PCNX2: variants seen among roughly 807,000 people sequenced by gnomAD.
The protein encoded by PCNX2 is pecanex 2, also known as pecanex-like protein 2.
PCNX2 carries 168 observed loss-of-function variants against 223.8 expected under a neutral mutation model. The ratio of observed to expected loss-of-function variants is 0.75; its 90% confidence interval spans 0.66 to 0.85. PCNX2 has a LOEUF of 0.85. Ranked by LOEUF, PCNX2 falls within the 40% of genes least tolerant of loss-of-function variation. The probability of loss-of-function intolerance (pLI) is 0.00; values close to 1 mark genes in which losing one functional copy is unlikely to be tolerated. For synonymous variants in PCNX2, 1,006 were observed against 1,052.6 expected (o/e 0.96, Z 0.86); for missense variants, 2,507 against 2,675.5 (o/e 0.94, Z 1.39).
At position 233,220,399 on chromosome 1, in the gene PCNX2, C is replaced by A. The variant is rs141548554; in HGVS notation, c.2505-2215G>T. Among the ~76,000 whole-genome samples the A allele has an allele frequency of 8.1e-3, 1,234 of 152,316 alleles. 18 individuals are homozygous for A. Among genetic ancestry groups the A allele is most frequent in the African/African-American group, 0.028 (1,175 of 41,552 alleles). On this transcript the variant is annotated intron_variant, in intron 10 of 33. Transcript: ENST00000258229. ...GTAGCTGTACCATTTTGCATTCCCA[C>A]CAGCAGTGAATGAGCGTTCCCGTTG... is the stretch of plus-strand genomic sequence containing the variant.
In PCNX2 at chr1:233,001,485, T is replaced by TAAAG. The variant is rs1670083442; in HGVS notation, c.5097+51_5097+52insCTTT. ...CAAGAGCGAAACTCCATCTCATAAA[T>TAAAG]AAATAAATAAATAAATAAATAAATA... On this transcript the variant is annotated intron_variant, in intron 29 of 33. Coordinates refer to ENST00000258229, the MANE Select transcript of PCNX2 (RefSeq NM_014801.4). This position sits in a 1 kb window ranked among gnomAD's most constrained non-coding sequence, Gnocchi z 4.2. The TAAAG allele has an allele frequency of 1.2e-6, 1 of 860,362 alleles. No individual in the cohort carries two copies. Among genetic ancestry groups the TAAAG allele is most frequent in the Admixed American group, 5.0e-5 (1 of 19,940 alleles). The allele number at this position is 860,362 out of a possible 1,614,324, so 53.3% of individuals were successfully genotyped here. A position where few individuals can be genotyped will look rare whatever the true frequency, so the allele number is the denominator to read the frequency against.
intron 8 of PCNX2, among the ~76,000 whole-genome samples, chr1:233,245,250 G>A (rs964180446): frequency 6.6e-6 from 1 of 152,236 alleles, no homozygotes; most frequent in African/African-American, 2.4e-5. Flanking sequence ...AAAAAGAGAT[G>A]AGAACCCTCT....
At chr1:233,131,154 C>T (rs1169684076) in intron 21 of PCNX2, among the ~76,000 whole-genome samples, 1 of 152,128 alleles carries the variant, frequency 6.6e-6, no homozygotes, top group Non-Finnish European at 1.5e-5. Context: ...GCCAGGCTAA[C>T]AATAATTCTC....
intron 23 of PCNX2, among the ~76,000 whole-genome samples, chr1:233,058,776 C>G (rs931335815): frequency 6.7e-6 from 1 of 149,960 alleles, no homozygotes; most frequent in Non-Finnish European, 1.5e-5. Flanking sequence ...AGCGATTGTC[C>G]TGCCTCAGCC....
chr1:233,205,932 T>C (rs1265522941), intron 13 of PCNX2, among the ~76,000 whole-genome samples: 2 of 152,116 alleles, frequency 1.3e-5, no homozygotes, highest in Non-Finnish European at 2.9e-5. Flanking sequence ...CTAAGGACTA[T>C]GAAAGTGTGG....
At chr1:233,302,402 A>G in the PCNX2 span, among the ~76,000 whole-genome samples, 145 of 152,210 alleles carry the variant, frequency 9.5e-4, no homozygotes, top group Middle Eastern at 0.014. Context: ...TTTCATTCTT[A>G]AAATCAGTTA....
At position 233,258,515 on chromosome 1, in the gene PCNX2, A is replaced by G; in HGVS notation, c.1347T>C (p.Asn449=). Residue 449 remains asparagine (N), a synonymous_variant, in exon 5 of 34, where the codon AAT becomes AAC. Coordinates refer to ENST00000258229, the MANE Select transcript of PCNX2 (RefSeq NM_014801.4). ...GTCTCTCTGGAGTCCTTTCACTTCC[A>G]TTGCCTTCGGGACAGGGAACACCTC... ...GGGGVPCPEG[N]GSERTPERLK... The G allele has an allele frequency of 6.2e-6, 10 of 1,613,872 alleles. No homozygotes were observed. Among genetic ancestry groups the G allele is most frequent in the Non-Finnish European group, 8.5e-6 (10 of 1,179,872 alleles).
chr1:233,259,000 C>G lies in PCNX2; in HGVS notation c.862G>C (p.Val288Leu). The change falls in exon 5 of 34, where the codon GTC becomes CTC. Residue 288 changes from valine to leucine, a missense_variant. Coordinates refer to ENST00000258229, the MANE Select transcript of PCNX2 (RefSeq NM_014801.4). ...CTTATGGAGCCCCGGGGACAACTGA[C>G]AGGTTCTGGAATCAGGACTGAATTC... ...SENSVLIPEP[V>L]SCPRGSIRER... 1 of 1,613,904 alleles carries G rather than the reference C, an allele frequency of 6.2e-7. No homozygotes were observed. Among genetic ancestry groups the G allele is most frequent in the Non-Finnish European group, 8.5e-7 (1 of 1,179,858 alleles).
intron 23 of PCNX2, among the ~76,000 whole-genome samples, chr1:233,062,182 G>C (rs1672431525): frequency 6.6e-6 from 1 of 152,184 alleles, no homozygotes; most frequent in Non-Finnish European, 1.5e-5. Flanking sequence ...CTATGAAAGT[G>C]AGCTCCTTTT....
At chr1:233,257,943 C>T in intron 5 of PCNX2, 85 bp downstream of exon 5, 2 of 1,476,416 alleles carry the variant, frequency 1.4e-6, no homozygotes, top group Non-Finnish European at 1.8e-6. Context: ...TCACTATTTG[C>T]AAAATCAAAT....
At chr1:233,172,480 C>T (rs2102845969) in intron 17 of PCNX2, 1 of 985,386 alleles carries the variant, frequency 1.0e-6, no homozygotes, top group South Asian at 4.7e-5. Context: ...GGTGAGTCTG[C>T]TTGCACTTCC....
Position 233,075,251 on chromosome 1 carries a change from A to G in PCNX2, c.4076+14810T>C, listed in dbSNP as rs575007811. 1.5e-4 allele frequency among the ~76,000 whole-genome samples: 23 copies of G among 152,356 alleles called. No homozygotes were observed. The East Asian group carries it at 4.1e-3, about 27-fold the overall frequency. ...CCACGGAACTACTCAGCAATATAATAAAATAAACTAATGACACATACAACT... is the reference window on the plus strand; with the variant it reads ...CCACGGAACTACTCAGCAATATAATGAAATAAACTAATGACACATACAACT... On this transcript the variant is annotated intron_variant, in intron 23 of 33. Transcript: ENST00000258229.
At chr1:233,249,703 G>A (rs982750126) in intron 8 of PCNX2, among the ~76,000 whole-genome samples, 1 of 152,232 alleles carries the variant, frequency 6.6e-6, no homozygotes, top group Non-Finnish European at 1.5e-5. Flanking sequence ...TTAATGCAAA[G>A]CTTGGGAAGG....
Position 233,128,322 on chromosome 1 carries a change from G to GT in PCNX2, c.3837+6690dup, listed in dbSNP as rs922908817. ...AAGTTACCATGATTTTAAAAACAATGTTTTTTTTTTGTTTTGTTTTGGTTT... is the reference window on the plus strand; with the variant it reads ...AAGTTACCATGATTTTAAAAACAATGTTTTTTTTTTTGTTTTGTTTTGGTTT... On this transcript the variant is annotated intron_variant, in intron 21 of 33. Transcript: ENST00000258229. 1.3e-3 allele frequency among the ~76,000 whole-genome samples: 190 copies of GT among 148,598 alleles called. 1 individual carries two copies. Among genetic ancestry groups the GT allele is most frequent in the African/African-American group, 3.2e-3 (129 of 40,576 alleles).
At chr1:233,287,900 T>C (rs140392981) in intron 1 of PCNX2, among the ~76,000 whole-genome samples, 2 of 152,300 alleles carry the variant, frequency 1.3e-5, no homozygotes, top group East Asian at 3.9e-4. Context: ...ATGATTTCTT[T>C]CTTGCAAAGC....
intron 23 of PCNX2, among the ~76,000 whole-genome samples, chr1:233,089,558 G>A (rs970018828): frequency 3.3e-5 from 5 of 152,108 alleles, no homozygotes; most frequent in African/African-American, 1.2e-4. Context: ...GTGAAGAAAA[G>A]GTGAAGAAAT....
At position 232,984,317 on chromosome 1, in the gene PCNX2, G is replaced by T; in HGVS notation, c.6401C>A (p.Ser2134Ter). 1 of 1,607,940 alleles carries T rather than the reference G, an allele frequency of 6.2e-7. No individual in the cohort carries two copies. The highest frequency in any genetic ancestry group is 8.5e-7 in the Non-Finnish European group (1 of 1,177,532). Residue 2134 changes from serine to a stop codon, truncating the protein, a stop_gained, in exon 34 of 34, where the codon TCA (serine) becomes TAA (stop). Coordinates refer to ENST00000258229, the MANE Select transcript of PCNX2 (RefSeq NM_014801.4). LOFTEE classifies it high-confidence loss of function. Reference sequence around the variant, plus strand: ...GCCGCACGCCCGTCACTGCTCGTCTGACACACTTTGCTGCGAGGCCGTGTC... The same window carrying T: ...GCCGCACGCCCGTCACTGCTCGTCTTACACACTTTGCTGCGAGGCCGTGTC... ...LDDTASQQSVSDEQ is the reference protein window; with the variant it reads ...LDDTASQQSV
intron 21 of PCNX2, among the ~76,000 whole-genome samples, chr1:233,096,879 G>A (rs536940646): frequency 4.6e-5 from 7 of 152,324 alleles, no homozygotes; most frequent in African/African-American, 1.7e-4. Context: ...GCCCTTCCAT[G>A]AAAAGCCAAC....
chr1:232,988,654 T>C (rs1669583709), intron 32 of PCNX2, among the ~76,000 whole-genome samples: 1 of 152,222 alleles, frequency 6.6e-6, no homozygotes, highest in African/African-American at 2.4e-5. Context: ...CCTTTGTCTT[T>C]GATGTTATCT....
Sources: allele counts gnomAD v4.1 joint callset (sites outside exome capture counted in the v4.1 genomes callset), GRCh38; gene constraint gnomAD v4.1.1; non-coding constraint Gnocchi (gnomAD v3.1); transcripts MANE v1.5; gene names NCBI Gene and HGNC (gene_info 2026-07-23, HGNC 2026-07-21).